Variants in FBXO41 observed in about 807,000 individuals in gnomAD.
FBXO41 encodes F-box only protein 41.
FBXO41 carries 33 observed loss-of-function variants against 81.6 expected under a neutral mutation model. That is an observed-to-expected ratio of 0.40 (90% CI 0.31 to 0.54). The LOEUF (loss-of-function observed/expected upper bound fraction) is 0.54. Among genes scored for constraint, FBXO41 ranks in the 20% least tolerant of loss-of-function variants. The pLI, the probability that FBXO41 is intolerant of heterozygous loss-of-function variation, is 0.39. For synonymous variants in FBXO41, 576 were observed against 552.7 expected (o/e 1.04, Z -0.59); for missense variants, 1,107 against 1,236.0 (o/e 0.90, Z 1.56).
rs775362906 is a variant in FBXO41, at chr2:73,269,454, GGCGGCGGCGGCC to G, written c.165_176del (p.Ala58_Ala61del). The G allele has an allele frequency of 2.0e-4, 255 of 1,261,216 alleles. 10 individuals carry two copies. In the South Asian group the frequency reaches 2.6e-3, roughly 13 times the overall value. 78.1% of individuals were successfully genotyped at this position (1,261,216 alleles called of 1,614,324 possible). A position where few individuals can be genotyped will look rare whatever the true frequency, so the allele number is the denominator to read the frequency against. On this transcript the variant is annotated inframe_deletion, in exon 2 of 13. Coordinates refer to ENST00000520530, the MANE Select transcript of FBXO41 (RefSeq NM_001371389.2). This position sits in a 1 kb window ranked among gnomAD's most constrained non-coding sequence, Gnocchi z 7.0. ...GAGCCAGCGGGAACCCCGAGGCAGC[GGCGGCGGCGGCC>G]GCGGCGGCGGCGGCGCCGTCGCAGA...
At position 73,263,320 on chromosome 2, in the gene FBXO41, CA is replaced by C. The variant is rs568817781; in HGVS notation, c.2076-13del. On this transcript the variant is annotated splice_polypyrimidine_tract_variant and intron_variant, in intron 8 of 12. Coordinates refer to ENST00000520530, the MANE Select transcript of FBXO41 (RefSeq NM_001371389.2). ...GGTCTGTGGCACTCCTGTGAAAAGA[CA>C]AAGCTGCTAGTCAGGCAGCAGGGTG... is the stretch of plus-strand genomic sequence containing the variant. The C allele has an allele frequency of 9.5e-5, 143 of 1,504,340 alleles. 2 individuals carry two copies. The South Asian group carries it at 1.8e-3, about 19-fold the overall frequency. 93.2% of individuals were successfully genotyped at this position (1,504,340 alleles called of 1,614,324 possible). A position where few individuals can be genotyped will look rare whatever the true frequency, so the allele number is the denominator to read the frequency against.
Position 73,269,389 on chromosome 2 carries a change from C to T in FBXO41, c.242G>A (p.Arg81Gln). The T allele has an allele frequency of 6.8e-7, 1 of 1,470,758 alleles. No individual in the cohort carries two copies. The highest frequency in any genetic ancestry group is 3.0e-5 in the East Asian group (1 of 32,992). 91.1% of individuals were successfully genotyped at this position (1,470,758 alleles called of 1,614,324 possible). A position where few individuals can be genotyped will look rare whatever the true frequency, so the allele number is the denominator to read the frequency against. Residue 81 changes from arginine (R) to glutamine (Q), a missense_variant, in exon 2 of 13, where the codon CGA (arginine) becomes CAA (glutamine). Physicochemically the swap from Arg to Gln is conservative, Grantham distance 43. Transcript: ENST00000520530. This position sits in a 1 kb window ranked among gnomAD's most constrained non-coding sequence, Gnocchi z 7.0. Reference protein sequence around the residue: ...AALLAVPGARREVFESTSFQG... With the variant: ...AALLAVPGARQEVFESTSFQG... Reference sequence around the variant, plus strand: ...GAAGGAAGTGCTCTCGAAGACCTCTCGCCGGGCGCCGGGCACGGCCAGCAG... The same window carrying T: ...GAAGGAAGTGCTCTCGAAGACCTCTTGCCGGGCGCCGGGCACGGCCAGCAG...
chr2:73,264,800 G>T (rs555292037), intron 5 of FBXO41, among the ~76,000 whole-genome samples: 1 of 152,174 alleles, frequency 6.6e-6, no homozygotes, highest in East Asian at 1.9e-4. Context: ...CAGATTTGGA[G>T]AGTGAAAGGG....
At chr2:73,272,164 T>G (rs1688523767) in intron 1 of FBXO41, 1 of 152,226 alleles carries the variant, frequency 6.6e-6, no homozygotes. Context: ...CCACCATCCC[T>G]GGAGCTCAGG....
intron 1 of FBXO41, among the ~76,000 whole-genome samples, chr2:73,279,983 C>T (rs1378406367): frequency 2.0e-5 from 3 of 152,074 alleles, no homozygotes; most frequent in Non-Finnish European, 4.4e-5. Flanking sequence ...TCAATGTTGG[C>T]GGCTCAAAGC....
rs1409082935 is a variant in FBXO41 at position 73,268,995 on chromosome 2, C to T, written c.636G>A (p.Lys212=). The change falls in exon 2 of 13, where the codon AAG becomes AAA. Residue 212 remains lysine, a synonymous_variant. Coordinates refer to ENST00000520530, the MANE Select transcript of FBXO41 (RefSeq NM_001371389.2). The part of the protein sequence containing the change: ...LARLKIRALE[K]LEVDRRLERL... Reference sequence around the variant, plus strand: ...GCTCCAGCCGCCGGTCCACCTCCAGCTTCTCCAGCGCGCGGATCTTGAGGC... The same window carrying T: ...GCTCCAGCCGCCGGTCCACCTCCAGTTTCTCCAGCGCGCGGATCTTGAGGC... The T allele has an allele frequency of 1.9e-6, 3 of 1,538,862 alleles. No individual in the cohort carries two copies. The highest frequency in any genetic ancestry group is 1.4e-5 in the African/African-American group (1 of 73,038).
intron 1 of FBXO41, chr2:73,271,065 T>G (rs1028263827): frequency 7.5e-6 from 3 of 399,850 alleles, no homozygotes; most frequent in African/African-American, 4.1e-5. Context: ...CCCTGAGGTC[T>G]GCCTCTGGAG....
chr2:73,269,344 G>C lies in FBXO41; in HGVS notation c.287C>G (p.Ala96Gly), dbSNP rs765936173. ...GTGCGGCGCCGCGGGCGACGGCCCG[G>C]CCGCCTGCTCCTTGCCCTGGAAGGA... ...STSFQGKEQA[A>G]GPSPAAPHLL... Residue 96 changes from alanine (A) to glycine (G), a missense_variant, in exon 2 of 13, where the codon GCC becomes GGC. By Grantham distance (60) the Ala-to-Gly change is moderately conservative (BLOSUM62 0). Around this residue, in one of 2 missense-constraint regions of FBXO41, gnomAD observed 771 missense variants for 789.2 expected, o/e 0.98. Coordinates refer to ENST00000520530, the MANE Select transcript of FBXO41 (RefSeq NM_001371389.2). The surrounding 1 kb of genome is among the most constrained non-coding windows in gnomAD (Gnocchi z 7.0). The C allele has an allele frequency of 6.6e-7, 1 of 1,518,670 alleles. No homozygotes were observed. Among genetic ancestry groups the C allele is most frequent in the Non-Finnish European group, 8.8e-7 (1 of 1,134,632 alleles). 94.1% of individuals were successfully genotyped at this position (1,518,670 alleles called of 1,614,324 possible).
chr2:73,265,260 T>C (rs746853930), intron 5 of FBXO41, 22 bp downstream of exon 5: 1 of 1,573,836 alleles, frequency 6.4e-7, no homozygotes, highest in Non-Finnish European at 8.6e-7. Context: ...TGTGTCCCCC[T>C]GCCCAGCCTT....
intron 1 of FBXO41, among the ~76,000 whole-genome samples, chr2:73,282,597 G>A (rs187726309): frequency 6.6e-6 from 1 of 152,274 alleles, no homozygotes; most frequent in Admixed American, 6.5e-5. Context: ...CAGCTGCTTG[G>A]GAGACTGAGG....
rs368287880 is a variant in FBXO41, at chr2:73,267,686, TATC to T, written c.906-1007_906-1005del. Reference sequence around the variant, plus strand: ...CCCTCATCCCATTGTAAGTTGAAAATATCATCAGTCAAAAATGCATTTAATGCA... The same window carrying T: ...CCCTCATCCCATTGTAAGTTGAAAATATCAGTCAAAAATGCATTTAATGCA... On this transcript the variant is annotated intron_variant, in intron 2 of 12. Transcript: ENST00000520530. 3.2e-4 allele frequency among the ~76,000 whole-genome samples: 49 copies of T among 152,328 alleles called. 1 individual carries two copies. The highest frequency in any genetic ancestry group is 1.1e-3 in the African/African-American group (46 of 41,578).
chr2:73,268,977 C>A lies in FBXO41; in HGVS notation c.654G>T (p.Arg218=). The A allele has an allele frequency of 6.5e-7, 1 of 1,538,840 alleles. No homozygotes were observed. Among genetic ancestry groups the A allele is most frequent in the Non-Finnish European group, 8.7e-7 (1 of 1,146,408 alleles). Residue 218 remains arginine, a synonymous_variant, in exon 2 of 13, where the codon CGG becomes CGT. Coordinates refer to ENST00000520530, the MANE Select transcript of FBXO41 (RefSeq NM_001371389.2). ...RALEKLEVDR[R]LERLSEEVEQ... Reference sequence around the variant, plus strand: ...CCACCTCCTCGCTCAGCCGCTCCAGCCGCCGGTCCACCTCCAGCTTCTCCA... The same window carrying A: ...CCACCTCCTCGCTCAGCCGCTCCAGACGCCGGTCCACCTCCAGCTTCTCCA...
At chr2:73,264,179 T>C in intron 6 of FBXO41, 99 bp downstream of exon 6, 1 of 1,578,424 alleles carries the variant, frequency 6.3e-7, no homozygotes, top group Admixed American at 1.8e-5. Context: ...CATTACAGTG[T>C]TGTAAGGGTT....
rs1197198915 is a variant in FBXO41 at position 73,284,345 on chromosome 2, C to G, written c.-324G>C. 1.3e-5 allele frequency: 2 copies of G among 152,248 alleles called. No homozygotes were observed. The highest frequency in any genetic ancestry group is 3.9e-4 in the East Asian group (2 of 5,118). 9.4% of individuals were successfully genotyped at this position (152,248 alleles called of 1,614,324 possible). ...CTCGGGGCGGGGGCGGCCGAACCTC[C>G]CAGCCAGTCGCAGCGGGAGGGGCGC... On this transcript the variant is annotated 5_prime_UTR_variant, in exon 1 of 13. Transcript: ENST00000520530. This position sits in a 1 kb window ranked among gnomAD's most constrained non-coding sequence, Gnocchi z 7.4.
intron 1 of FBXO41, among the ~76,000 whole-genome samples, chr2:73,283,728 C>G (rs773912889): frequency 6.6e-6 from 1 of 152,216 alleles, no homozygotes; most frequent in Admixed American, 6.5e-5. Context: ...CACACCGGCA[C>G]GCACAGACAC....
chr2:73,264,263 G>A lies in FBXO41; in HGVS notation c.1806+15C>T, dbSNP rs751551474. 6.2e-7 allele frequency: 1 copy of A among 1,613,130 alleles called. No homozygotes were observed. Among genetic ancestry groups the A allele is most frequent in the East Asian group, 2.2e-5 (1 of 44,880 alleles). On this transcript the variant is annotated intron_variant, in intron 6 of 12. Transcript: ENST00000520530. ...GGTTCACAGCAGGGCACAGAAGGCA[G>A]GCAGGGGCAGGTACCTTGGAGCAGA...
chr2:73,279,910 T>C (rs1294573523), intron 1 of FBXO41, among the ~76,000 whole-genome samples: 1 of 152,186 alleles, frequency 6.6e-6, no homozygotes, highest in Non-Finnish European at 1.5e-5. Flanking sequence ...ATAACAATTC[T>C]TTTTTAAAAA....
intron 9 of FBXO41, among the ~76,000 whole-genome samples, chr2:73,261,994 G>T (rs985420111): frequency 6.6e-6 from 1 of 152,124 alleles, no homozygotes; most frequent in Non-Finnish European, 1.5e-5. Context: ...AGGCCGAGGC[G>T]GGCAGATCAC....
intron 1 of FBXO41, among the ~76,000 whole-genome samples, chr2:73,277,201 C>A (rs1688723306): frequency 6.6e-6 from 1 of 152,192 alleles, no homozygotes; most frequent in Non-Finnish European, 1.5e-5. Flanking sequence ...TGCCTCTTCA[C>A]CCCAGGCCAG....
Sources: allele counts gnomAD v4.1 joint callset (sites outside exome capture counted in the v4.1 genomes callset), GRCh38; gene constraint gnomAD v4.1.1; regional missense constraint gnomAD v4.1.1; non-coding constraint Gnocchi (gnomAD v3.1); transcripts MANE v1.5; gene names NCBI Gene and HGNC (gene_info 2026-07-23, HGNC 2026-07-21).